The following SENP6 variants were observed in gnomAD, a reference collection of about 807,000 sequenced individuals.
SENP6 encodes sentrin-specific protease 6.
Under a neutral mutation model 134.5 loss-of-function variants are expected in SENP6, and 41 were observed. The ratio of observed to expected loss-of-function variants is 0.30; its 90% confidence interval spans 0.24 to 0.40. The LOEUF (loss-of-function observed/expected upper bound fraction) is 0.40, where lower values mean the gene tolerates loss of function less well. SENP6 is among the 10% of genes least tolerant of loss of function. The probability of loss-of-function intolerance (pLI) is 1.00; values close to 1 mark genes in which losing one functional copy is unlikely to be tolerated. For synonymous variants in SENP6, 395 were observed against 429.8 expected (o/e 0.92, Z 1.00); for missense variants, 1,248 against 1,312.5 (o/e 0.95, Z 0.76).
intron 3 of SENP6, among the ~76,000 whole-genome samples, chr6:75,629,686 T>C (rs1013107970): frequency 3.9e-5 from 6 of 152,224 alleles, no homozygotes; most frequent in African/African-American, 1.4e-4. Flanking sequence ...CCCAGGGATA[T>C]ATACATATAT....
intron 9 of SENP6, among the ~76,000 whole-genome samples, chr6:75,666,401 GTTC>G (rs1346569857): frequency 6.7e-5 from 10 of 150,350 alleles, no homozygotes; most frequent in East Asian, 1.9e-4. Flanking sequence ...TAGACCTACT[GTTC>G]TTCTTGTAAC....
chr6:75,640,590 A>G, intron 5 of SENP6, 94 bp from the exon 6 acceptor site: 1 of 577,820 alleles, frequency 1.7e-6, no homozygotes, highest in Admixed American at 3.7e-5. Context: ...TCACAGTATA[A>G]TTTTGCCTTA....
intron 6 of SENP6, among the ~76,000 whole-genome samples, chr6:75,642,893 A>C (rs549190968): frequency 6.6e-6 from 1 of 152,218 alleles, no homozygotes; most frequent in Non-Finnish European, 1.5e-5. Context: ...AGCAAGGTCT[A>C]GGAGTTGGGG....
chr6:75,637,910 G>C (rs2149840440), intron 5 of SENP6, among the ~76,000 whole-genome samples: 1 of 152,122 alleles, frequency 6.6e-6, no homozygotes, highest in East Asian at 1.9e-4. Flanking sequence ...GCCCATGCTG[G>C]AGTGCAGTGG....
At chr6:75,696,467 T>C (rs1774671855) in intron 17 of SENP6, among the ~76,000 whole-genome samples, 1 of 152,114 alleles carries the variant, frequency 6.6e-6, no homozygotes, top group African/African-American at 2.4e-5. Flanking sequence ...CTATTGTACA[T>C]AGTAGGCCTG....
intron 19 of SENP6, among the ~76,000 whole-genome samples, chr6:75,707,968 A>T (rs529788726): frequency 1.3e-5 from 2 of 152,248 alleles, no homozygotes; most frequent in Middle Eastern, 3.4e-3. Flanking sequence ...TACAGGTGCT[A>T]GGCCACTGTG....
At chr6:75,611,126 G>A (rs1767419056) in intron 1 of SENP6, 1 of 152,030 alleles carries the variant, frequency 6.6e-6, no homozygotes, top group African/African-American at 2.4e-5. Flanking sequence ...CTAAATTCTG[G>A]AGACAAGATG....
Position 75,621,641 on chromosome 6 carries a change from T to TC in SENP6, c.146+19dup. The TC allele has an allele frequency of 6.8e-7, 1 of 1,467,386 alleles. No individual in the cohort carries two copies. Among genetic ancestry groups the TC allele is most frequent in the Non-Finnish European group, 9.5e-7 (1 of 1,056,830 alleles). 90.9% of individuals were successfully genotyped at this position (1,467,386 alleles called of 1,614,324 possible). A position where few individuals can be genotyped will look rare whatever the true frequency, so the allele number is the denominator to read the frequency against. On this transcript the variant is annotated intron_variant, in intron 2 of 23. Transcript: ENST00000447266. ...CAGATAAAGAGTAAGGATTTTTTTT[T>TC]CCCTCAGATGTTTTATAAGAATAAA...
chr6:75,696,931 T>TTAA (rs1242829630), intron 17 of SENP6, among the ~76,000 whole-genome samples: 4 of 152,170 alleles, frequency 2.6e-5, no homozygotes, highest in Admixed American at 1.3e-4. Context: ...TAATAAATAA[T>TTAA]TAATAATAAT....
chr6:75,659,148 A>G (rs1771579502), intron 7 of SENP6, 114 bp from the exon 8 acceptor site: 1 of 738,308 alleles, frequency 1.4e-6, no homozygotes, highest in Non-Finnish European at 2.2e-6. Flanking sequence ...AAATAAGAGA[A>G]GAGTAATCCA....
At chr6:75,614,639 G>T (rs545315089) in intron 1 of SENP6, among the ~76,000 whole-genome samples, 1 of 152,032 alleles carries the variant, frequency 6.6e-6, no homozygotes, top group African/African-American at 2.4e-5. Flanking sequence ...CTTGTTTCTC[G>T]TCAGATTTCA....
chr6:75,690,698 T>TG (rs1774176490), intron 16 of SENP6, among the ~76,000 whole-genome samples: 2 of 132,434 alleles, frequency 1.5e-5, no homozygotes, highest in South Asian at 2.4e-4. Flanking sequence ...TTTTGTTTTT[T>TG]GTTTTTTTTT....
intron 14 of SENP6, chr6:75,677,870 CTT>C (rs1773201925): frequency 6.6e-6 from 1 of 152,182 alleles, no homozygotes; most frequent in South Asian, 2.1e-4. Flanking sequence ...AGCAACTTAG[CTT>C]TGCTGACCTA....
At chr6:75,697,305 A>G (rs1161454538) in intron 17 of SENP6, 120 bp from the exon 18 acceptor site, 1 of 674,916 alleles carries the variant, frequency 1.5e-6, no homozygotes, top group African/African-American at 1.8e-5. Context: ...CAGTTTGTCA[A>G]ACCATTTTAT....
intron 8 of SENP6, among the ~76,000 whole-genome samples, chr6:75,661,290 T>G (rs887026249): frequency 6.8e-4 from 103 of 152,206 alleles, no homozygotes; most frequent in African/African-American, 2.4e-3. Context: ...TAGCTTAGTT[T>G]TTCTTTATGT....
Position 75,678,831 on chromosome 6 carries a change from C to T in SENP6, c.1979C>T (p.Pro660Leu). 6.2e-7 allele frequency: 1 copy of T among 1,604,446 alleles called. No homozygotes were observed. Residue 660 changes from proline to leucine, a missense_variant, in exon 16 of 24, where the codon CCT becomes CTT. Physicochemically the swap from Pro to Leu is moderately conservative, Grantham distance 98. Transcript: ENST00000447266. Reference sequence around the variant, plus strand: ...TACAGGTTGATAGTATATCCACCACCTCCAGCTAAGGGAGGCATCTCTGTT... The same window carrying T: ...TACAGGTTGATAGTATATCCACCACTTCCAGCTAAGGGAGGCATCTCTGTT... Reference protein sequence around the residue: ...PVEKLIVYPPPPAKGGISVTN... With the variant: ...PVEKLIVYPPLPAKGGISVTN...
chr6:75,671,981 A>G (rs927627826), intron 11 of SENP6, among the ~76,000 whole-genome samples: 10 of 152,208 alleles, frequency 6.6e-5, no homozygotes, highest in African/African-American at 1.9e-4. Context: ...TTTAAAAACT[A>G]AAGTTTCAGA....
intron 7 of SENP6, among the ~76,000 whole-genome samples, chr6:75,658,973 CCAAA>C (rs1771554499): frequency 3.5e-5 from 1 of 28,538 alleles, no homozygotes; most frequent in African/African-American, 1.4e-4. Flanking sequence ...CCTTGTCTCC[CCAAA>C]AAAAAAAAAA....
intron 1 of SENP6, among the ~76,000 whole-genome samples, chr6:75,603,280 T>A: frequency 6.6e-6 from 1 of 152,132 alleles, no homozygotes; most frequent in East Asian, 1.9e-4. Context: ...CAAGAAAAGC[T>A]GTATGTTTTT....
Sources: gnomAD v4.1 joint callset for allele counts (sites outside exome capture counted in the v4.1 genomes callset) on GRCh38, gnomAD v4.1.1 for gene constraint, MANE v1.5 for transcripts, NCBI Gene and HGNC (gene_info 2026-07-23, HGNC 2026-07-21) for gene names.